Variants in LRRC4C observed in about 807,000 individuals in gnomAD.
LRRC4C encodes the protein leucine rich repeat containing 4C, also known as leucine-rich repeat-containing protein 4C.
In LRRC4C, 5 loss-of-function variants were observed where a neutral mutation model predicts 33.6. The ratio of observed to expected loss-of-function variants is 0.15; its 90% CI spans 0.08 to 0.31. The LOEUF (loss-of-function observed/expected upper bound fraction) is 0.31, where lower values mean the gene tolerates loss of function less well. Among genes scored for constraint, LRRC4C ranks in the 10% least tolerant of loss-of-function variants. The pLI, the probability that LRRC4C is intolerant of heterozygous loss-of-function variation, is 1.00. For missense variants in LRRC4C, 560 were observed against 796.7 expected, an observed-to-expected ratio of 0.70 and a Z score of 3.58; for synonymous variants, 329 against 302.0, an observed-to-expected ratio of 1.09 and a Z score of -0.93.
chr11:40,268,273 T>G (rs1942433598), intron 4 of LRRC4C, among the ~76,000 whole-genome samples: 1 of 152,154 alleles, frequency 6.6e-6, no homozygotes, highest in South Asian at 2.1e-4. Flanking sequence ...TATGAGAAAC[T>G]ACTACCATTA....
chr11:41,392,404 A>G lies in LRRC4C; in HGVS notation c.-496+67027T>C, dbSNP rs118025529. ...CTTCCACTGGGCTCTGTATATTTCA[A>G]TATATTAGCAGCTTTCCTCTGTAGA... On this transcript the variant is annotated intron_variant, in intron 1 of 6. Coordinates refer to ENST00000528697, the MANE Select transcript of LRRC4C (RefSeq NM_001258419.2). Among the ~76,000 whole-genome samples the G allele has an allele frequency of 6.0e-3, 917 of 151,878 alleles. 5 individuals are homozygous for G. Among genetic ancestry groups the G allele is most frequent in the Non-Finnish European group, 0.011 (754 of 67,860 alleles).
At chr11:40,391,853 T>C (rs934046284) in intron 3 of LRRC4C, among the ~76,000 whole-genome samples, 4 of 152,204 alleles carry the variant, frequency 2.6e-5, no homozygotes, top group Admixed American at 2.0e-4. Flanking sequence ...CGAATGTTCC[T>C]AGCAGCTTTA....
intron 1 of LRRC4C, among the ~76,000 whole-genome samples, chr11:40,995,185 G>C (rs1314786599): frequency 6.6e-6 from 1 of 152,080 alleles, no homozygotes; most frequent in Non-Finnish European, 1.5e-5. Flanking sequence ...AACCAAGTGT[G>C]ACTTTGCAGT....
At chr11:40,379,780 T>G (rs189554909) in intron 3 of LRRC4C, among the ~76,000 whole-genome samples, 1 of 152,338 alleles carries the variant, frequency 6.6e-6, no homozygotes, top group Non-Finnish European at 1.5e-5. Flanking sequence ...TAACACATTT[T>G]TATGTGTCAG....
chr11:40,816,067 T>C (rs1951694804), intron 2 of LRRC4C, among the ~76,000 whole-genome samples: 1 of 152,204 alleles, frequency 6.6e-6, no homozygotes, highest in Non-Finnish European at 1.5e-5. Context: ...TCAGCCACTT[T>C]TACTAAATGA....
intron 1 of LRRC4C, among the ~76,000 whole-genome samples, chr11:41,377,763 C>T (rs1399264621): frequency 1.3e-5 from 2 of 152,096 alleles, no homozygotes; most frequent in Non-Finnish European, 2.9e-5. Flanking sequence ...CTTGGTGTGG[C>T]CTACTGGGGA....
At chr11:40,463,343 T>TGTGG (rs1491051234) in intron 3 of LRRC4C, among the ~76,000 whole-genome samples, 2 of 144,840 alleles carry the variant, frequency 1.4e-5, no homozygotes, top group Non-Finnish European at 3.1e-5. Context: ...TGTGTGTGTG[T>TGTGG]GGTTAAAAGA....
chr11:40,906,778 T>G (rs1956438102), intron 2 of LRRC4C, among the ~76,000 whole-genome samples: 1 of 152,146 alleles, frequency 6.6e-6, no homozygotes. Flanking sequence ...AATTTCTATA[T>G]GTACGTGTGT....
At chr11:41,393,487 G>C (rs2939764) in intron 1 of LRRC4C, among the ~76,000 whole-genome samples, 72,062 of 151,562 alleles carry the variant, frequency 0.48, 17,724 homozygotes, top group South Asian at 0.61. Flanking sequence ...GTAGGGGCAG[G>C]GGGGAGGAGG....
At chr11:40,160,106 G>T (rs1425703907) in intron 5 of LRRC4C, among the ~76,000 whole-genome samples, 1 of 152,120 alleles carries the variant, frequency 6.6e-6, no homozygotes, top group Non-Finnish European at 1.5e-5. Context: ...TACAATGGAG[G>T]TGGTCATCCG....
At chr11:41,247,957 G>A (rs1591056115) in intron 1 of LRRC4C, among the ~76,000 whole-genome samples, 2 of 152,120 alleles carry the variant, frequency 1.3e-5, no homozygotes, top group Admixed American at 6.5e-5. Flanking sequence ...CAAACTCAAT[G>A]TCAAACGATG....
At chr11:41,362,300 A>AT (rs769718694) in intron 1 of LRRC4C, among the ~76,000 whole-genome samples, 2 of 152,110 alleles carry the variant, frequency 1.3e-5, no homozygotes, top group African/African-American at 2.4e-5. Flanking sequence ...AGAAAAAAAC[A>AT]TTTTTTCAGT....
In LRRC4C at chr11:41,050,393, G is replaced by A. The variant is rs373075972; in HGVS notation, c.-495-116670C>T. 1.8e-3 allele frequency among the ~76,000 whole-genome samples: 274 copies of A among 152,160 alleles called. 3 individuals carry two copies. The South Asian group carries it at 0.028, about 16-fold the overall frequency. On this transcript the variant is annotated intron_variant, in intron 1 of 6. Coordinates refer to ENST00000528697, the MANE Select transcript of LRRC4C (RefSeq NM_001258419.2). ...CTGCACCCATCCACCTGGCATCCACGTTTTAGGTACCTCATGCATTAAGTA... is the reference window on the plus strand; with the variant it reads ...CTGCACCCATCCACCTGGCATCCACATTTTAGGTACCTCATGCATTAAGTA...
At chr11:40,841,683 T>C (rs1373508731) in intron 2 of LRRC4C, among the ~76,000 whole-genome samples, 3 of 152,212 alleles carry the variant, frequency 2.0e-5, no homozygotes, top group East Asian at 3.9e-4. Flanking sequence ...TGTTACCCTG[T>C]CTGTGATATT....
At position 40,643,048 on chromosome 11, in the gene LRRC4C, A is replaced by C. The variant is rs1942220196; in HGVS notation, c.-270+5094T>G. 2.0e-5 allele frequency among the ~76,000 whole-genome samples: 3 copies of C among 152,332 alleles called. No homozygotes were observed. The East Asian group carries it at 5.8e-4, about 29-fold the overall frequency. On this transcript the variant is annotated intron_variant, in intron 3 of 6. Coordinates refer to ENST00000528697, the MANE Select transcript of LRRC4C (RefSeq NM_001258419.2). ...TCTTGAAAAGTAGAGTGAAGAAGGAAGACCATACAAAAAGCTCTGAATCCA... is the reference window on the plus strand; with the variant it reads ...TCTTGAAAAGTAGAGTGAAGAAGGACGACCATACAAAAAGCTCTGAATCCA...
intron 2 of LRRC4C, among the ~76,000 whole-genome samples, chr11:40,664,005 G>T (rs1022895261): frequency 6.6e-6 from 1 of 152,056 alleles, no homozygotes; most frequent in Admixed American, 6.6e-5. Flanking sequence ...CAGAAGTCCC[G>T]CATATAAAAC....
At chr11:41,131,235 T>A (rs1234234916) in intron 1 of LRRC4C, among the ~76,000 whole-genome samples, 1 of 152,002 alleles carries the variant, frequency 6.6e-6, no homozygotes, top group Non-Finnish European at 1.5e-5. Flanking sequence ...AACTCAAAAT[T>A]GCTTAAAGGA....
At chr11:41,290,870 G>A (rs1007305946) in intron 1 of LRRC4C, among the ~76,000 whole-genome samples, 2 of 152,086 alleles carry the variant, frequency 1.3e-5, no homozygotes, top group African/African-American at 4.8e-5. Context: ...CAAGATGATG[G>A]AGAGACCCTG....
chr11:40,486,263 GTCTTT>G (rs1953860524), intron 3 of LRRC4C, among the ~76,000 whole-genome samples: 2 of 151,032 alleles, frequency 1.3e-5, no homozygotes, highest in Non-Finnish European at 3.0e-5. Context: ...ATTTTTTCAA[GTCTTT>G]TCTTTTTGCC....
Sources: gnomAD v4.1 joint callset for allele counts (sites outside exome capture counted in the v4.1 genomes callset) on GRCh38, gnomAD v4.1.1 for gene constraint, MANE v1.5 for transcripts, NCBI Gene and HGNC (gene_info 2026-07-23, HGNC 2026-07-21) for gene names.